RASL12: variants seen among roughly 807,000 people sequenced by gnomAD.
RASL12 encodes the protein ras-like protein family member 12.
RASL12 carries 16 observed loss-of-function variants against 22.9 expected under a neutral mutation model. The ratio of observed to expected loss-of-function variants is 0.70; its 90% CI spans 0.47 to 1.06. RASL12 has a LOEUF of 1.06. Ranked by LOEUF, RASL12 falls within the 50% of genes least tolerant of loss-of-function variation. The pLI, the probability that RASL12 is intolerant of heterozygous loss-of-function variation, is 0.00. For missense variants in RASL12, 306 were observed against 353.1 expected, an observed-to-expected ratio of 0.87 and a Z score of 1.07; for synonymous variants, 159 against 152.2, an observed-to-expected ratio of 1.04 and a Z score of -0.33.
chr15:65,067,158 CAGCT>C (rs2086887108), intron 1 of RASL12, among the ~76,000 whole-genome samples: 1 of 152,014 alleles, frequency 6.6e-6, no homozygotes, highest in Admixed American at 6.5e-5. Flanking sequence ...GAAATCTCAA[CAGCT>C]AGTGACTTCA....
At chr15:65,062,710 G>A (rs978448517) in intron 2 of RASL12, among the ~76,000 whole-genome samples, 13 of 152,314 alleles carry the variant, frequency 8.5e-5, no homozygotes, top group Admixed American at 4.6e-4. Flanking sequence ...CAGGCTCTCA[G>A]AAGACCTAGG....
Position 65,053,341 on chromosome 15 carries a change from G to C in RASL12, c.*1558C>G, listed in dbSNP as rs1455953296. ...TGAACTGCAAGCAAACTAAAATTCT[G>C]TTATTAAAAAAAATCTTTTATTAAA... On this transcript the variant is annotated 3_prime_UTR_variant, in exon 5 of 5. Transcript: ENST00000220062. 7.1e-7 allele frequency: 1 copy of C among 1,410,892 alleles called. No homozygotes were observed. The highest frequency in any genetic ancestry group is 1.5e-5 in the African/African-American group (1 of 68,134). 87.4% of individuals were successfully genotyped at this position (1,410,892 alleles called of 1,614,324 possible). A position where few individuals can be genotyped will look rare whatever the true frequency, so the allele number is the denominator to read the frequency against.
At chr15:65,068,002 G>T (rs550301711), upstream of RASL12, 7,761 of 1,150,726 alleles carry the variant, frequency 6.7e-3, 25 homozygotes, top group Non-Finnish European at 7.6e-3. This position sits in a 1 kb window ranked among gnomAD's most constrained non-coding sequence, Gnocchi z 4.2. Context: ...GCCACCCCGC[G>T]GGGAGGAGGG....
At chr15:65,055,918 G>C (rs1008930147) in intron 4 of RASL12, among the ~76,000 whole-genome samples, 8 of 152,150 alleles carry the variant, frequency 5.3e-5, no homozygotes, top group Non-Finnish European at 8.8e-5. Flanking sequence ...AGAGGGCAGG[G>C]GGGACAACAT....
Position 65,054,670 on chromosome 15 carries a change from A to G in RASL12, c.*229T>C, listed in dbSNP as rs924052907. The G allele has an allele frequency of 1.4e-6, 2 of 1,380,234 alleles. No individual in the cohort carries two copies. The highest frequency in any genetic ancestry group is 2.6e-5 in the East Asian group (1 of 38,784). 85.5% of individuals were successfully genotyped at this position (1,380,234 alleles called of 1,614,324 possible). On this transcript the variant is annotated 3_prime_UTR_variant, in exon 5 of 5. Coordinates refer to ENST00000220062, the MANE Select transcript of RASL12 (RefSeq NM_016563.4). Reference sequence around the variant, plus strand: ...GTTGTCACAGTGGCTGTTTCCCTCTACGGCCACAGACGCGGTGGTTACCAT... The same window carrying G: ...GTTGTCACAGTGGCTGTTTCCCTCTGCGGCCACAGACGCGGTGGTTACCAT...
At chr15:65,064,086 A>G (rs989368545) in intron 2 of RASL12, among the ~76,000 whole-genome samples, 7 of 152,224 alleles carry the variant, frequency 4.6e-5, no homozygotes, top group African/African-American at 1.4e-4. Context: ...TTTACAATAG[A>G]CAAATGTTAT....
chr15:65,059,046 A>T (rs1055029640), intron 3 of RASL12, among the ~76,000 whole-genome samples: 1 of 152,240 alleles, frequency 6.6e-6, no homozygotes, highest in African/African-American at 2.4e-5. Context: ...CACCAGGAGC[A>T]TCTGTGTAAA....
At chr15:65,073,719 T>C (rs1337526552) in intron 1 of RASL12, among the ~76,000 whole-genome samples, 1 of 152,196 alleles carries the variant, frequency 6.6e-6, no homozygotes, top group Non-Finnish European at 1.5e-5. Flanking sequence ...GGTGCTTCAG[T>C]CTCTTCATAT....
chr15:65,063,765 C>G (rs972215064), intron 2 of RASL12, among the ~76,000 whole-genome samples: 18 of 152,334 alleles, frequency 1.2e-4, no homozygotes, highest in African/African-American at 4.1e-4. Context: ...AACAAGGGGA[C>G]TAAATAGCCC....
At chr15:65,053,035 C>T (rs751403585), downstream of RASL12, 3 of 1,613,936 alleles carry the variant, frequency 1.9e-6, no homozygotes, top group African/African-American at 2.7e-5. Flanking sequence ...CCAAGGATCA[C>T]AACAGCCTAA....
At chr15:65,048,534 TGA>T (rs1035477954), downstream of RASL12, among the ~76,000 whole-genome samples, 5 of 152,210 alleles carry the variant, frequency 3.3e-5, no homozygotes, top group Non-Finnish European at 7.4e-5. Flanking sequence ...TGAGGGGACC[TGA>T]GAATGCTTCG....
upstream of RASL12, chr15:65,068,262 C>T: frequency 2.0e-6 from 2 of 987,144 alleles, no homozygotes; most frequent in South Asian, 4.7e-5. The surrounding 1 kb of genome is among the most constrained non-coding windows in gnomAD (Gnocchi z 4.2). Flanking sequence ...GATGTTTGCA[C>T]TCTTCCCTGA....
At chr15:65,046,410 C>T in the RASL12 span, among the ~76,000 whole-genome samples, 19 of 152,080 alleles carry the variant, frequency 1.2e-4, no homozygotes, top group Admixed American at 2.6e-4. Flanking sequence ...GTGGAGGTTG[C>T]AGTGAGCTGA....
downstream of RASL12, among the ~76,000 whole-genome samples, chr15:65,051,114 G>A (rs1275185381): frequency 2.0e-5 from 3 of 152,096 alleles, no homozygotes; most frequent in South Asian, 2.1e-4. Context: ...AAAGTGCTGG[G>A]ATTATAGGCG....
At chr15:65,063,762 G>C (rs2086841790) in intron 2 of RASL12, among the ~76,000 whole-genome samples, 2 of 152,202 alleles carry the variant, frequency 1.3e-5, no homozygotes, top group South Asian at 4.1e-4. Context: ...TTAAACAAGG[G>C]GACTAAATAG....
At chr15:65,053,119 T>G, downstream of RASL12, 1 of 1,614,148 alleles carries the variant, frequency 6.2e-7, no homozygotes, top group African/African-American at 1.3e-5. Context: ...AAGAGAGAGA[T>G]GTGCTGTCAG....
At chr15:65,058,748 G>A in intron 3 of RASL12, 131 bp from the exon 4 acceptor site, 1 of 660,950 alleles carries the variant, frequency 1.5e-6, no homozygotes, top group Non-Finnish European at 2.4e-6. Flanking sequence ...CCCTTTCAAA[G>A]GGGCACTTGA....
intron 1 of RASL12, among the ~76,000 whole-genome samples, chr15:65,076,034 G>A (rs954644387): frequency 3.9e-5 from 6 of 152,238 alleles, no homozygotes; most frequent in South Asian, 2.1e-4. Flanking sequence ...TGATGGGGAC[G>A]TGGAGAACTT....
intron 4 of RASL12, among the ~76,000 whole-genome samples, chr15:65,056,130 TG>T (rs564268354): frequency 7.2e-5 from 11 of 151,968 alleles, no homozygotes; most frequent in African/African-American, 2.2e-4. Flanking sequence ...AGGGAAGAGA[TG>T]GGGGGGTCCC....
Sources: allele counts gnomAD v4.1 joint callset (sites outside exome capture counted in the v4.1 genomes callset), GRCh38; gene constraint gnomAD v4.1.1; non-coding constraint Gnocchi (gnomAD v3.1); transcripts MANE v1.5; gene names NCBI Gene and HGNC (gene_info 2026-07-23, HGNC 2026-07-21).